The following CDCA5 variants were observed in gnomAD, a reference collection of about 807,000 sequenced individuals.
CDCA5 encodes the protein sororin.
CDCA5 carries 14 observed loss-of-function variants against 25.7 expected under a neutral mutation model. The observed-to-expected ratio is 0.54, with a 90% confidence interval of 0.36 to 0.85. The LOEUF (loss-of-function observed/expected upper bound fraction) is 0.85, where lower values mean the gene tolerates loss of function less well. CDCA5 is among the 40% of genes least tolerant of loss of function. The pLI is 0.01. For synonymous variants in CDCA5, 127 were observed against 128.7 expected (o/e 0.99, Z 0.09); for missense variants, 307 against 324.5 (o/e 0.95, Z 0.41).
At chr11:65,061,239 C>T in the CDCA5 span, among the ~76,000 whole-genome samples, 1 of 152,334 alleles carries the variant, frequency 6.6e-6, no homozygotes, top group South Asian at 2.1e-4. Flanking sequence ...GCTAAAGCCT[C>T]CTGCCAACAT....
At chr11:65,066,397 C>T (rs1475689282) in exon 7 of CDCA5, 10 of 1,225,680 alleles carry the variant, frequency 8.2e-6, no homozygotes, top group East Asian at 5.8e-5. Context: ...CCTGGCCAGG[C>T]CTGACCCTGG....
chr11:65,062,111 G>C (rs150545083), downstream of CDCA5, among the ~76,000 whole-genome samples: 1 of 151,820 alleles, frequency 6.6e-6, no homozygotes, highest in Non-Finnish European at 1.5e-5. Flanking sequence ...GTAAAGATAG[G>C]GTTTCTCCAT....
At position 65,078,685 on chromosome 11, in the gene CDCA5, G is replaced by A. The variant is rs1947493682; in HGVS notation, c.*422C>T. ...GCCACCAACAGAAGGCAACTCAGGA[G>A]GGAGAGGCCGAGGCTGGCAGAGCCC... On this transcript the variant is annotated 3_prime_UTR_variant, in exon 6 of 6. Coordinates refer to ENST00000275517, the MANE Select transcript of CDCA5 (RefSeq NM_080668.4). 1.0e-6 allele frequency: 1 copy of A among 1,001,204 alleles called. No individual in the cohort carries two copies. Among genetic ancestry groups the A allele is most frequent in the African/African-American group, 1.7e-5 (1 of 58,040 alleles). 62.0% of individuals were successfully genotyped at this position (1,001,204 alleles called of 1,614,324 possible). A position where few individuals can be genotyped will look rare whatever the true frequency, so the allele number is the denominator to read the frequency against.
chr11:65,067,360 G>A (rs998520297), intron 4 of CDCA5, among the ~76,000 whole-genome samples: 3 of 152,144 alleles, frequency 2.0e-5, no homozygotes, highest in Non-Finnish European at 2.9e-5. Context: ...GGAAGCCTCC[G>A]TCATGCCCTG....
downstream of CDCA5, among the ~76,000 whole-genome samples, chr11:65,062,483 C>A (rs1947195147): frequency 1.3e-5 from 2 of 152,130 alleles, no homozygotes; most frequent in Non-Finnish European, 2.9e-5. Flanking sequence ...CCTGAGCCTA[C>A]CAGGCACACT....
At chr11:65,071,904 G>A (rs1036239417) in intron 1 of CDCA5, among the ~76,000 whole-genome samples, 2 of 152,164 alleles carry the variant, frequency 1.3e-5, no homozygotes, top group African/African-American at 4.8e-5. Flanking sequence ...GCTGCTCATA[G>A]GTGGGGCAGC....
chr11:65,068,587 T>A (rs1371912922), exon 2 of CDCA5: 6 of 1,289,140 alleles, frequency 4.7e-6, no homozygotes, highest in Non-Finnish European at 6.1e-6. Context: ...GGGCTCTTTG[T>A]CTGCCCCTAA....
downstream of CDCA5, among the ~76,000 whole-genome samples, chr11:65,064,042 C>T (rs552330022): frequency 1.7e-4 from 26 of 152,176 alleles, no homozygotes; most frequent in African/African-American, 4.6e-4. Flanking sequence ...GAGGGGGCTC[C>T]GTAATAGACT....
exon 6 of CDCA5, chr11:65,066,615 A>G (rs1301431598): frequency 7.8e-7 from 1 of 1,288,682 alleles, no homozygotes; most frequent in Non-Finnish European, 1.0e-6. Flanking sequence ...TTCATCCTGG[A>G]TGGCCTGGGC....
In CDCA5 at chr11:65,083,918, G is replaced by T. The variant is rs372338615; in HGVS notation, c.46+15C>A. 22 of 1,609,278 alleles carry T rather than the reference G, an allele frequency of 1.4e-5. No individual in the cohort carries two copies. The highest frequency in any genetic ancestry group is 1.8e-5 in the Non-Finnish European group (21 of 1,179,836). ...AACGGCTCGACCTCACGTCTCCCGC[G>T]CGCCCTCCGCTCACCGGAGCGCTGA... is the stretch of plus-strand genomic sequence containing the variant. On this transcript the variant is annotated intron_variant, in intron 1 of 5. Transcript: ENST00000275517.
chr11:65,061,634 G>C (rs1401353209), downstream of CDCA5, among the ~76,000 whole-genome samples: 1 of 151,798 alleles, frequency 6.6e-6, no homozygotes. Context: ...AATTAGCCGG[G>C]CGTGGTGGCG....
rs1388741736 is a variant in CDCA5, at chr11:65,077,840, A to ATTCTCTGTTATCCACCAGC, written c.*1248_*1266dup. The ATTCTCTGTTATCCACCAGC allele has an allele frequency of 1.0e-6, 1 of 985,654 alleles. No homozygotes were observed. The highest frequency in any genetic ancestry group is 1.7e-5 in the African/African-American group (1 of 57,240). The allele number at this position is 985,654 out of a possible 1,614,324, so 61.1% of individuals were successfully genotyped here. On this transcript the variant is annotated 3_prime_UTR_variant, in exon 6 of 6. Coordinates refer to ENST00000275517, the MANE Select transcript of CDCA5 (RefSeq NM_080668.4). ...TGACCCAGCACTCATCTTCCCTGGCATTCTCTGTTATCCACCAGCTCCTCT... is the reference window on the plus strand; with the variant it reads ...TGACCCAGCACTCATCTTCCCTGGCATTCTCTGTTATCCACCAGCTTCTCTGTTATCCACCAGCTCCTCT...
downstream of CDCA5, among the ~76,000 whole-genome samples, chr11:65,072,494 C>T (rs1191350751): frequency 6.6e-6 from 1 of 152,218 alleles, no homozygotes; most frequent in Non-Finnish European, 1.5e-5. Flanking sequence ...GGCTTCAGAC[C>T]TCACATGCAC....
In CDCA5 at chr11:65,079,067, C is replaced by G; in HGVS notation, c.*40G>C. The stretch of plus-strand genomic sequence containing the variant: ...CACAGGGAGGTGGCTATGTACAGGA[C>G]AGGAGGGAGAGTCTGGCCAGGTGCA... On this transcript the variant is annotated 3_prime_UTR_variant, in exon 6 of 6. Transcript: ENST00000275517. 1 of 1,503,076 alleles carries G rather than the reference C, an allele frequency of 6.7e-7. No individual in the cohort carries two copies. The highest frequency in any genetic ancestry group is 8.9e-7 in the Non-Finnish European group (1 of 1,128,762). The allele number at this position is 1,503,076 out of a possible 1,614,324, so 93.1% of individuals were successfully genotyped here.
chr11:65,066,991 C>G (rs75730880), intron 4 of CDCA5: 1 of 685,008 alleles, frequency 1.5e-6, no homozygotes, highest in Non-Finnish European at 2.3e-6. Context: ...CCACCTGGGA[C>G]CAGTGTTTCA....
At chr11:65,070,997 A>G (rs1468988417) in intron 1 of CDCA5, among the ~76,000 whole-genome samples, 2 of 146,596 alleles carry the variant, frequency 1.4e-5, no homozygotes, top group East Asian at 4.1e-4. Flanking sequence ...GCTGGAGTGC[A>G]GTGGTGCAAT....
At chr11:65,076,193 G>A (rs1292144858), downstream of CDCA5, among the ~76,000 whole-genome samples, 3 of 152,184 alleles carry the variant, frequency 2.0e-5, no homozygotes, top group Non-Finnish European at 4.4e-5. Flanking sequence ...ATGGCTCACT[G>A]TAGCCCCGAC....
At chr11:65,079,983 C>T (rs1052879656) in intron 4 of CDCA5, among the ~76,000 whole-genome samples, 196 bp from the exon 5 acceptor site, 9 of 151,498 alleles carry the variant, frequency 5.9e-5, no homozygotes, top group Non-Finnish European at 8.8e-5. Context: ...CTCCGCCTCC[C>T]GGGTTCACGC....
In CDCA5 at chr11:65,077,971, T is replaced by C; in HGVS notation, c.*1136A>G. 3.0e-6 allele frequency: 3 copies of C among 985,340 alleles called. No homozygotes were observed. Among genetic ancestry groups the C allele is most frequent in the South Asian group, 9.4e-5 (2 of 21,286 alleles). 61.0% of individuals were successfully genotyped at this position (985,340 alleles called of 1,614,324 possible). ...CAGGGCAGCCTTCAAATCCACACTATTGAATCCACACGATGGAAAGAAGAG... is the reference window on the plus strand; with the variant it reads ...CAGGGCAGCCTTCAAATCCACACTACTGAATCCACACGATGGAAAGAAGAG... On this transcript the variant is annotated 3_prime_UTR_variant, in exon 6 of 6. Transcript: ENST00000275517.
Sources: allele counts gnomAD v4.1 joint callset (sites outside exome capture counted in the v4.1 genomes callset), GRCh38; gene constraint gnomAD v4.1.1; transcripts MANE v1.5; gene names NCBI Gene and HGNC (gene_info 2026-07-23, HGNC 2026-07-21).